ELP3: variants seen among roughly 807,000 people sequenced by gnomAD.
ELP3 encodes elongator complex protein 3.
A neutral mutation model predicts 74.9 loss-of-function variants in ELP3; 56 were observed. That is an observed-to-expected ratio of 0.75 (90% confidence interval 0.60 to 0.93). The LOEUF (loss-of-function observed/expected upper bound fraction) is 0.93, where lower values mean the gene tolerates loss of function less well. ELP3 is among the 40% of genes least tolerant of loss of function. ELP3 has a pLI of 0.00. For synonymous variants in ELP3, 222 were observed against 239.8 expected (o/e 0.93, Z 0.68); for missense variants, 573 against 686.5 (o/e 0.83, Z 1.85).
At chr8:28,100,092 T>C in intron 3 of ELP3, 126 bp downstream of exon 3, 1 of 1,212,014 alleles carries the variant, frequency 8.3e-7, no homozygotes. Flanking sequence ...GTCCCTGTAT[T>C]AGGATATGTG....
At chr8:28,184,853 C>T (rs1436313028) in intron 14 of ELP3, among the ~76,000 whole-genome samples, 2 of 151,992 alleles carry the variant, frequency 1.3e-5, no homozygotes, top group Non-Finnish European at 2.9e-5. Context: ...TTTCTAAGTT[C>T]ACGTGAGTAG....
intron 14 of ELP3, among the ~76,000 whole-genome samples, chr8:28,177,161 A>G (rs1302087877): frequency 6.6e-6 from 1 of 152,174 alleles, no homozygotes; most frequent in Non-Finnish European, 1.5e-5. Context: ...AGAATAATGT[A>G]TACTGTGTTA....
chr8:28,127,489 C>T (rs1812625026), intron 7 of ELP3, among the ~76,000 whole-genome samples: 1 of 151,826 alleles, frequency 6.6e-6, no homozygotes, highest in Non-Finnish European at 1.5e-5. Flanking sequence ...TTTTTTGGTA[C>T]TTTTTTTTCA....
At chr8:28,108,231 C>T (rs1811774058) in intron 5 of ELP3, among the ~76,000 whole-genome samples, 1 of 152,138 alleles carries the variant, frequency 6.6e-6, no homozygotes, top group South Asian at 2.1e-4. Flanking sequence ...TGCTTTACAA[C>T]TGTAAACCTT....
At chr8:28,168,693 A>G (rs753553195) in intron 14 of ELP3, among the ~76,000 whole-genome samples, 1 of 152,244 alleles carries the variant, frequency 6.6e-6, no homozygotes, top group Admixed American at 6.5e-5. Context: ...CCAGCTGTCT[A>G]TCAGAAAGTC....
intron 5 of ELP3, among the ~76,000 whole-genome samples, chr8:28,109,458 GTGT>G (rs1255912262): frequency 6.6e-6 from 1 of 152,078 alleles, no homozygotes; most frequent in Non-Finnish European, 1.5e-5. Context: ...CTACCAGTTA[GTGT>G]TGTTTGTTAT....
chr8:28,120,548 G>T lies in ELP3; in HGVS notation c.617+7375G>T, dbSNP rs893403399. ...TCGTTTAGCCAAAGTTTTTAATTTT[G>T]ATAAAGTAGAATTTAGCAGTTGTTT... is the stretch of plus-strand genomic sequence containing the variant. On this transcript the variant is annotated intron_variant, in intron 7 of 14. Transcript: ENST00000256398. Among the ~76,000 whole-genome samples, 9 of 152,268 alleles carry T rather than the reference G, an allele frequency of 5.9e-5. No individual in the cohort carries two copies. In the East Asian group the frequency reaches 1.7e-3, roughly 29 times the overall value.
In ELP3 at chr8:28,113,416, T is replaced by C. The variant is rs191183416; in HGVS notation, c.617+243T>C. 9.0e-3 allele frequency among the ~76,000 whole-genome samples: 309 copies of C among 34,196 alleles called. 1 individual carries two copies. The highest frequency in any genetic ancestry group is 0.088 in the African/African-American group (294 of 3,356). The allele number at this position is 34,196 out of a possible 152,430, so 22.4% of individuals were successfully genotyped here. The stretch of plus-strand genomic sequence containing the variant: ...AAAAAATGAATACAGTTTGTTGACA[T>C]AGTAGTATTCTCAAATAGAGAGATT... On this transcript the variant is annotated intron_variant, in intron 7 of 14. Transcript: ENST00000256398.
Position 28,147,405 on chromosome 8 carries a change from T to C in ELP3, c.1101-8537T>C, listed in dbSNP as rs1329389126. 2.6e-5 allele frequency among the ~76,000 whole-genome samples: 4 copies of C among 152,118 alleles called. No homozygotes were observed. Among genetic ancestry groups the C allele is most frequent in the Non-Finnish European group, 5.9e-5 (4 of 68,020 alleles). ...TGCAGTTGTTGGGAGATTAGTTACA[T>C]TGAGCAAAGAAGTTATTTGATTTAG... On this transcript the variant is annotated intron_variant, in intron 10 of 14. Transcript: ENST00000256398. This position sits in a 1 kb window ranked among gnomAD's most constrained non-coding sequence, Gnocchi z 4.5.
rs1251417895 is a variant in ELP3 at position 28,162,030 on chromosome 8, A to G, written c.1519A>G (p.Arg507Gly). 1.2e-6 allele frequency: 2 copies of G among 1,614,098 alleles called. No individual in the cohort carries two copies. Among genetic ancestry groups the G allele is most frequent in the Non-Finnish European group, 1.7e-6 (2 of 1,180,032 alleles). The change falls in exon 14 of 15, where the codon AGA becomes GGA. Residue 507 changes from arginine to glycine, a missense_variant. Arg to Gly is a moderately radical substitution (Grantham distance 125, BLOSUM62 -2). Coordinates refer to ENST00000256398, the MANE Select transcript of ELP3 (RefSeq NM_018091.6). Reference protein sequence around the residue: ...FGMLLMEEAERIAREEHGSGK... With the variant: ...FGMLLMEEAEGIAREEHGSGK... ...CATGCTGCTGATGGAGGAAGCAGAA[A>G]GAATAGCTAGAGAAGAACATGGGTC...
intron 14 of ELP3, among the ~76,000 whole-genome samples, chr8:28,175,770 AG>A (rs1390354475): frequency 1.4e-5 from 2 of 142,556 alleles, no homozygotes; most frequent in African/African-American, 2.6e-5. Flanking sequence ...CTTTCTGAGG[AG>A]TTGCTTTTGA....
chr8:28,097,278 A>G lies in ELP3; in HGVS notation c.79A>G (p.Ile27Val), dbSNP rs764296715. Residue 27 changes from isoleucine to valine, a missense_variant, in exon 2 of 15, where the codon ATT becomes GTT. Coordinates refer to ENST00000256398, the MANE Select transcript of ELP3 (RefSeq NM_018091.6). The stretch of plus-strand genomic sequence containing the variant: ...TATAGGAGATGTTATTAAACAACTG[A>G]TTGAAGCCCACGAGCAGGGGAAAGA... ...LTIGDVIKQL[I>V]EAHEQGKDID... is the part of the protein sequence containing the mutation. 1.2e-6 allele frequency: 2 copies of G among 1,614,022 alleles called. No homozygotes were observed. Among genetic ancestry groups the G allele is most frequent in the South Asian group, 1.1e-5 (1 of 91,080 alleles).
rs1255997965 is a variant in ELP3 at position 28,189,736 on chromosome 8, A to G, written c.*11A>G. 1.9e-6 allele frequency: 3 copies of G among 1,612,808 alleles called. No homozygotes were observed. Among genetic ancestry groups the G allele is most frequent in the East Asian group, 2.2e-5 (1 of 44,886 alleles). On this transcript the variant is annotated 3_prime_UTR_variant, in exon 15 of 15. Transcript: ENST00000256398. ...AAGATGCTGAAATAATGGCCACACC[A>G]GTCCACTCTTCTGCAGTATCCTCCC...
intron 7 of ELP3, among the ~76,000 whole-genome samples, chr8:28,115,336 C>G (rs1812085852): frequency 6.6e-6 from 1 of 152,090 alleles, no homozygotes; most frequent in Non-Finnish European, 1.5e-5. Context: ...CCAAGGTATA[C>G]TAAGTGAAAA....
intron 7 of ELP3, chr8:28,129,262 G>GTAGA: frequency 2.1e-6 from 1 of 478,766 alleles, no homozygotes; most frequent in Non-Finnish European, 3.8e-6. Context: ...CTTATGAGGT[G>GTAGA]TAGATAGTGT....
chr8:28,131,108 T>C (rs1812770400), intron 8 of ELP3, among the ~76,000 whole-genome samples: 1 of 152,178 alleles, frequency 6.6e-6, no homozygotes, highest in South Asian at 2.1e-4. Context: ...CAGGAAATAC[T>C]GATGTCCTGG....
intron 14 of ELP3, among the ~76,000 whole-genome samples, chr8:28,186,685 A>G (rs1815253068): frequency 6.6e-6 from 1 of 152,202 alleles, no homozygotes; most frequent in Non-Finnish European, 1.5e-5. Context: ...GCGGTGGCAC[A>G]GGATAGCACA....
At chr8:28,129,902 C>T (rs1254026907) in intron 8 of ELP3, among the ~76,000 whole-genome samples, 1 of 152,202 alleles carries the variant, frequency 6.6e-6, no homozygotes, top group African/African-American at 2.4e-5. Context: ...CTCTCTCCCT[C>T]TTCTTGTCCT....
rs1337867162 is a variant in ELP3, at chr8:28,102,870, C to T, written c.258+2904C>T. 2.6e-5 allele frequency among the ~76,000 whole-genome samples: 4 copies of T among 152,102 alleles called. No homozygotes were observed. In the East Asian group the frequency reaches 5.8e-4, roughly 22 times the overall value. Reference sequence around the variant, plus strand: ...TGTCATATGAAATAGTTTCACTACCCTAAAATCTCCTATTTGTGGCCGGGC... The same window carrying T: ...TGTCATATGAAATAGTTTCACTACCTTAAAATCTCCTATTTGTGGCCGGGC... On this transcript the variant is annotated intron_variant, in intron 3 of 14. Coordinates refer to ENST00000256398, the MANE Select transcript of ELP3 (RefSeq NM_018091.6).
Sources: gnomAD v4.1 joint callset for allele counts (sites outside exome capture counted in the v4.1 genomes callset) on GRCh38, gnomAD v4.1.1 for gene constraint, Gnocchi (gnomAD v3.1) non-coding constraint, MANE v1.5 for transcripts, NCBI Gene and HGNC (gene_info 2026-07-23, HGNC 2026-07-21) for gene names.